MDFIC2: variants seen among roughly 807,000 people sequenced by gnomAD.
MDFIC2 encodes the protein MyoD family inhibitor domain containing 2.
intron 2 of MDFIC2, among the ~76,000 whole-genome samples, chr3:70,304,553 C>T (rs770050611): frequency 3.3e-4 from 50 of 152,240 alleles, no homozygotes; most frequent in Non-Finnish European, 5.4e-4. Flanking sequence ...CGGGGGTCAG[C>T]CTTTGATTCC....
rs7431772 is a variant in MDFIC2, at chr3:70,300,298, T to G, written c.88+11588A>C. Among the ~76,000 whole-genome samples the G allele has an allele frequency of 3.3e-5, 5 of 152,144 alleles. No homozygotes were observed. In the East Asian group the frequency reaches 7.7e-4, roughly 23 times the overall value. On this transcript the variant is annotated intron_variant, in intron 2 of 3. Coordinates refer to ENST00000567252, the MANE Select transcript of MDFIC2 (RefSeq NM_001364677.1). Reference sequence around the variant, plus strand: ...TTTCTCCTTTATTTAAATCTATTGATTTATAGATAAACTTTCCTTACCTAC... The same window carrying G: ...TTTCTCCTTTATTTAAATCTATTGAGTTATAGATAAACTTTCCTTACCTAC...
At chr3:70,216,919 T>A (rs1701417111) in intron 2 of MDFIC2, among the ~76,000 whole-genome samples, 1 of 152,076 alleles carries the variant, frequency 6.6e-6, no homozygotes, top group South Asian at 2.1e-4. Context: ...AGGGACCCCT[T>A]CCCCTCACCA....
intron 3 of MDFIC2, among the ~76,000 whole-genome samples, chr3:70,202,659 G>A (rs1193200922): frequency 2.0e-5 from 3 of 152,120 alleles, no homozygotes; most frequent in African/African-American, 7.2e-5. Flanking sequence ...ACAGTCAACA[G>A]TGGTGTTTTG....
intron 2 of MDFIC2, among the ~76,000 whole-genome samples, chr3:70,307,361 G>A (rs1189128329): frequency 6.6e-6 from 1 of 152,060 alleles, no homozygotes; most frequent in Non-Finnish European, 1.5e-5. Flanking sequence ...ACTGCAAATG[G>A]CAACAATTTA....
At chr3:70,251,455 G>A (rs78179706) in intron 2 of MDFIC2, among the ~76,000 whole-genome samples, 182 of 152,148 alleles carry the variant, frequency 1.2e-3, no homozygotes, top group African/African-American at 4.2e-3. Context: ...ATAATAGTGG[G>A]TATATATTAG....
chr3:70,278,201 T>G (rs1702046646), intron 2 of MDFIC2, among the ~76,000 whole-genome samples: 1 of 152,170 alleles, frequency 6.6e-6, no homozygotes, highest in Non-Finnish European at 1.5e-5. Context: ...TTTATTTATA[T>G]CTAACTTTAT....
At chr3:70,236,049 C>G (rs536164144) in intron 2 of MDFIC2, among the ~76,000 whole-genome samples, 1 of 152,202 alleles carries the variant, frequency 6.6e-6, no homozygotes, top group Non-Finnish European at 1.5e-5. Context: ...TTCTACTTCT[C>G]TTAATGAATA....
chr3:70,213,639 G>GA (rs1701372304), intron 2 of MDFIC2, among the ~76,000 whole-genome samples: 1 of 152,098 alleles, frequency 6.6e-6, no homozygotes, highest in Non-Finnish European at 1.5e-5. Flanking sequence ...ACTGTATAGA[G>GA]AAAAAAAGTT....
chr3:70,201,126 T>C (rs1417792234), intron 3 of MDFIC2, among the ~76,000 whole-genome samples: 1 of 152,126 alleles, frequency 6.6e-6, no homozygotes, highest in African/African-American at 2.4e-5. Flanking sequence ...GGAGGTTTAT[T>C]GGACAGTTTA....
chr3:70,231,414 C>T (rs1045984686), intron 2 of MDFIC2, among the ~76,000 whole-genome samples: 1 of 152,182 alleles, frequency 6.6e-6, no homozygotes, highest in African/African-American at 2.4e-5. Flanking sequence ...AAGCTCTACC[C>T]CCAGAGCTCC....
chr3:70,292,676 C>T (rs1053269298), intron 2 of MDFIC2, among the ~76,000 whole-genome samples: 3 of 151,920 alleles, frequency 2.0e-5, no homozygotes, highest in African/African-American at 4.8e-5. Flanking sequence ...CAATTCATTT[C>T]CAAATGTTTT....
intron 2 of MDFIC2, among the ~76,000 whole-genome samples, chr3:70,251,872 C>T (rs1476986539): frequency 2.0e-5 from 3 of 152,138 alleles, no homozygotes; most frequent in Admixed American, 6.5e-5. Context: ...GAAATAAATG[C>T]TTGTTGTTAT....
At chr3:70,308,726 A>G (rs1702426314) in intron 2 of MDFIC2, among the ~76,000 whole-genome samples, 1 of 152,182 alleles carries the variant, frequency 6.6e-6, no homozygotes, top group Non-Finnish European at 1.5e-5. Flanking sequence ...TCTCCAATTA[A>G]TAACACTGAA....
In MDFIC2 at chr3:70,267,549, C is replaced by T. The variant is rs1214459569; in HGVS notation, c.88+44337G>A. On this transcript the variant is annotated intron_variant, in intron 2 of 3. Coordinates refer to ENST00000567252, the MANE Select transcript of MDFIC2 (RefSeq NM_001364677.1). ...TCCCGAGTAGCTGGGACTACAGGCG[C>T]CCGCCACCATGCCCGGCTAATTTTT... 3.3e-5 allele frequency among the ~76,000 whole-genome samples: 5 copies of T among 150,748 alleles called. No homozygotes were observed. In the South Asian group the frequency reaches 8.4e-4, roughly 25 times the overall value.
rs750636219 is a variant in MDFIC2, at chr3:70,211,362, TTG to T, written c.89-4574_89-4573del. Among the ~76,000 whole-genome samples, 573 of 16,226 alleles carry T rather than the reference TTG, an allele frequency of 0.035. 217 individuals are homozygous for T. In the East Asian group the frequency reaches 0.54, roughly 15 times the overall value. The allele number at this position is 16,226 out of a possible 152,430, so 10.6% of individuals were successfully genotyped here. A position where few individuals can be genotyped will look rare whatever the true frequency, so the allele number is the denominator to read the frequency against. On this transcript the variant is annotated intron_variant, in intron 2 of 3. Coordinates refer to ENST00000567252, the MANE Select transcript of MDFIC2 (RefSeq NM_001364677.1). ...CCTTCCTTTTGCCCTTCCCTTCCCTTTGCCCTTCCCTTCCCTTTCCTTCCTTT... is the reference window on the plus strand; with the variant it reads ...CCTTCCTTTTGCCCTTCCCTTCCCTTCCCTTCCCTTCCCTTTCCTTCCTTT...
intron 2 of MDFIC2, among the ~76,000 whole-genome samples, chr3:70,268,335 C>T (rs1459543029): frequency 2.0e-5 from 3 of 152,010 alleles, no homozygotes; most frequent in Admixed American, 6.6e-5. Flanking sequence ...ATTAGCCAGG[C>T]GTGGTTGTGT....
At chr3:70,209,474 A>C (rs900264547) in intron 2 of MDFIC2, among the ~76,000 whole-genome samples, 22 of 152,034 alleles carry the variant, frequency 1.4e-4, no homozygotes, top group African/African-American at 4.8e-4. Context: ...CAAAGAGTCT[A>C]GGAGGTAGAT....
At chr3:70,214,821 G>T (rs536983622) in intron 2 of MDFIC2, among the ~76,000 whole-genome samples, 1 of 151,908 alleles carries the variant, frequency 6.6e-6, no homozygotes, top group Non-Finnish European at 1.5e-5. Context: ...TCATTTTTAT[G>T]CAGTTACCTT....
rs372455123 is a variant in MDFIC2 at position 70,287,640 on chromosome 3, T to C, written c.88+24246A>G. 2.8e-3 allele frequency among the ~76,000 whole-genome samples: 420 copies of C among 152,136 alleles called. 3 individuals carry two copies. Among genetic ancestry groups the C allele is most frequent in the African/African-American group, 9.3e-3 (384 of 41,482 alleles). ...ATAGTTTCAGAAGGAATGGTACCAG[T>C]TCCTCCTTGTACCTCTGGTAGAATT... On this transcript the variant is annotated intron_variant, in intron 2 of 3. Transcript: ENST00000567252.
Sources: allele counts gnomAD v4.1 joint callset (sites outside exome capture counted in the v4.1 genomes callset), GRCh38; gene constraint gnomAD v4.1.1; transcripts MANE v1.5; gene names NCBI Gene and HGNC (gene_info 2026-07-23, HGNC 2026-07-21).